The following AGMO variants were observed in gnomAD, a reference collection of about 807,000 sequenced individuals.
AGMO encodes the protein glyceryl-ether monooxygenase.
Under a neutral mutation model 60.2 loss-of-function variants are expected in AGMO, and 75 were observed. The ratio of observed to expected loss-of-function variants is 1.25; its 90% CI spans 1.03 to 1.51. The LOEUF is 1.51. Among genes scored for constraint, AGMO ranks in the 40% most tolerant of loss-of-function variants. AGMO has a pLI of 0.00. For synonymous variants in AGMO, 261 were observed against 177.1 expected (o/e 1.47, Z -3.76); for missense variants, 763 against 525.5 (o/e 1.45, Z -4.42).
the AGMO span, among the ~76,000 whole-genome samples, chr7:15,180,424 G>C: frequency 3.3e-5 from 5 of 151,874 alleles, no homozygotes; most frequent in African/African-American, 9.7e-5. Context: ...TTCTGCCAAG[G>C]TCTTTCCTAT....
At chr7:15,345,539 C>G (rs1209781406) in intron 12 of AGMO, among the ~76,000 whole-genome samples, 1 of 152,176 alleles carries the variant, frequency 6.6e-6, no homozygotes, top group Non-Finnish European at 1.5e-5. Flanking sequence ...ATTTTTCAAA[C>G]TCTACTGTAA....
the AGMO span, among the ~76,000 whole-genome samples, chr7:15,157,776 C>T: frequency 6.6e-6 from 1 of 152,324 alleles, no homozygotes; most frequent in South Asian, 2.1e-4. Context: ...CTGTACTTCT[C>T]ACAATTGTGT....
At chr7:15,237,672 T>C (rs142370888) in intron 12 of AGMO, among the ~76,000 whole-genome samples, 1 of 152,022 alleles carries the variant, frequency 6.6e-6, no homozygotes, top group Non-Finnish European at 1.5e-5. Flanking sequence ...ATACCTATAA[T>C]TGCCCTTTAA....
intron 12 of AGMO, among the ~76,000 whole-genome samples, chr7:15,267,768 A>T (rs932279258): frequency 5.3e-5 from 8 of 151,960 alleles, no homozygotes; most frequent in Non-Finnish European, 1.2e-4. Flanking sequence ...TGAAGGGAAA[A>T]ACTTGTAACA....
chr7:15,536,700 T>C (rs1320419465), intron 3 of AGMO, among the ~76,000 whole-genome samples: 1 of 151,942 alleles, frequency 6.6e-6, no homozygotes, highest in Non-Finnish European at 1.5e-5. Flanking sequence ...TAAGTAAATG[T>C]ATTAATTCAT....
At chr7:15,233,862 C>G (rs190062093) in intron 12 of AGMO, among the ~76,000 whole-genome samples, 1 of 152,086 alleles carries the variant, frequency 6.6e-6, no homozygotes, top group African/African-American at 2.4e-5. Context: ...GCCTGACCAA[C>G]GTGGTGAAAC....
intron 12 of AGMO, among the ~76,000 whole-genome samples, chr7:15,241,642 A>C (rs960775092): frequency 1.3e-5 from 2 of 151,914 alleles, no homozygotes; most frequent in Non-Finnish European, 2.9e-5. Context: ...GATTCACTGG[A>C]CTCTCATAAT....
intron 5 of AGMO, among the ~76,000 whole-genome samples, chr7:15,412,185 C>T (rs990734464): frequency 2.0e-5 from 3 of 152,138 alleles, no homozygotes; most frequent in South Asian, 2.1e-4. Context: ...TTGCACATTG[C>T]ATCCTTGCAG....
intron 12 of AGMO, among the ~76,000 whole-genome samples, chr7:15,252,729 G>A (rs556678861): frequency 6.6e-6 from 1 of 152,290 alleles, no homozygotes; most frequent in East Asian, 1.9e-4. Flanking sequence ...TGTGATTCTT[G>A]AAATGCCTGT....
intron 3 of AGMO, among the ~76,000 whole-genome samples, chr7:15,526,741 A>T (rs1248431378): frequency 6.6e-6 from 1 of 152,072 alleles, no homozygotes; most frequent in Non-Finnish European, 1.5e-5. Flanking sequence ...CAGATATTGC[A>T]TTTTTTGCAA....
At chr7:15,218,805 C>A (rs567585076) in intron 12 of AGMO, among the ~76,000 whole-genome samples, 3 of 152,016 alleles carry the variant, frequency 2.0e-5, no homozygotes, top group Non-Finnish European at 4.4e-5. Flanking sequence ...GCACACAGTC[C>A]ACAATCAACC....
the AGMO span, among the ~76,000 whole-genome samples, chr7:15,138,541 G>A: frequency 4.6e-5 from 7 of 152,208 alleles, no homozygotes; most frequent in East Asian, 1.4e-3. Flanking sequence ...AAAATATCCT[G>A]CCCAAAAATA....
At chr7:15,192,004 C>G in the AGMO span, among the ~76,000 whole-genome samples, 33,662 of 148,074 alleles carry the variant, frequency 0.23, 3,897 homozygotes, top group South Asian at 0.28. Context: ...CACACACACA[C>G]ACAGAGAACT....
chr7:15,362,832 C>G (rs1782817510), intron 12 of AGMO, among the ~76,000 whole-genome samples: 1 of 152,170 alleles, frequency 6.6e-6, no homozygotes, highest in Non-Finnish European at 1.5e-5. Context: ...ATTTTCCAAG[C>G]TACTTTTGCT....
intron 3 of AGMO, among the ~76,000 whole-genome samples, chr7:15,449,826 G>A (rs1781811306): frequency 6.6e-6 from 1 of 152,060 alleles, no homozygotes; most frequent in Non-Finnish European, 1.5e-5. Flanking sequence ...TTACTAATGA[G>A]TAAAGTCAAG....
intron 12 of AGMO, among the ~76,000 whole-genome samples, chr7:15,341,249 CA>C (rs1447581329): frequency 6.6e-6 from 1 of 152,054 alleles, no homozygotes; most frequent in African/African-American, 2.4e-5. Flanking sequence ...GCAAATTTTC[CA>C]AATTTTTATG....
the AGMO span, among the ~76,000 whole-genome samples, chr7:15,155,488 A>G: frequency 8.2e-6 from 1 of 121,438 alleles, no homozygotes; most frequent in African/African-American, 3.2e-5. Context: ...TCACTTCCAG[A>G]CATTCAGTTT....
intron 12 of AGMO, among the ~76,000 whole-genome samples, chr7:15,309,998 A>G (rs907573056): frequency 6.6e-6 from 1 of 152,140 alleles, no homozygotes; most frequent in African/African-American, 2.4e-5. Context: ...ATGAAAAAAT[A>G]TATCATATTC....
Position 15,488,184 on chromosome 7 carries a change from C to G in AGMO, c.409+56588G>C, listed in dbSNP as rs565416082. Among the ~76,000 whole-genome samples, 46 of 152,300 alleles carry G rather than the reference C, an allele frequency of 3.0e-4. 3 individuals carry two copies. The South Asian group carries it at 9.5e-3, about 32-fold the overall frequency. ...AAGTTATTCAACCTGAGCTTTTCAG[C>G]TGAGCAGAAGGTAGAAAGCAGTTTC... On this transcript the variant is annotated intron_variant, in intron 3 of 12. Coordinates refer to ENST00000342526, the MANE Select transcript of AGMO (RefSeq NM_001004320.2).
Sources: gnomAD v4.1 joint callset for allele counts (sites outside exome capture counted in the v4.1 genomes callset) on GRCh38, gnomAD v4.1.1 for gene constraint, MANE v1.5 for transcripts, NCBI Gene and HGNC (gene_info 2026-07-23, HGNC 2026-07-21) for gene names.